Variants in TENM4 observed in about 807,000 individuals in gnomAD.
TENM4 encodes teneurin-4.
Under a neutral mutation model 243.3 loss-of-function variants are expected in TENM4, and 82 were observed. The ratio of observed to expected loss-of-function variants is 0.34; its 90% CI spans 0.28 to 0.40. The LOEUF (loss-of-function observed/expected upper bound fraction) is 0.40, where lower values mean the gene tolerates loss of function less well. Ranked by LOEUF, TENM4 falls within the 10% of genes least tolerant of loss-of-function variation. TENM4 has a pLI of 1.00. For synonymous variants in TENM4, 1,412 were observed against 1,456.3 expected (o/e 0.97, Z 0.69); for missense variants, 3,138 against 3,673.3 (o/e 0.85, Z 3.77).
At chr11:79,033,695 C>T (rs1406089053) in intron 6 of TENM4, among the ~76,000 whole-genome samples, 1 of 152,198 alleles carries the variant, frequency 6.6e-6, no homozygotes, top group African/African-American at 2.4e-5. Flanking sequence ...TGGATGTTCT[C>T]ATATTTAACA....
intron 1 of TENM4, among the ~76,000 whole-genome samples, chr11:79,424,807 G>A (rs1165890908): frequency 4.0e-5 from 6 of 151,802 alleles, no homozygotes; most frequent in African/African-American, 1.2e-4. Flanking sequence ...GGTGGCGGAC[G>A]CCTATTGTCC....
chr11:78,821,133 T>C (rs1036797944), intron 12 of TENM4, among the ~76,000 whole-genome samples: 2 of 152,248 alleles, frequency 1.3e-5, no homozygotes, highest in African/African-American at 4.8e-5. Context: ...TTCAGTCATA[T>C]CCAGAAGTCC....
At chr11:78,751,851 C>G (rs906139462) in intron 19 of TENM4, among the ~76,000 whole-genome samples, 1 of 152,170 alleles carries the variant, frequency 6.6e-6, no homozygotes, top group African/African-American at 2.4e-5. Flanking sequence ...ATTGACAGTG[C>G]AGTTGGAGGT....
At chr11:78,772,444 T>C (rs967270084) in intron 17 of TENM4, among the ~76,000 whole-genome samples, 4 of 152,076 alleles carry the variant, frequency 2.6e-5, no homozygotes, top group Non-Finnish European at 4.4e-5. Flanking sequence ...TTGGGAGAGG[T>C]ATGGATGTGA....
chr11:79,332,775 C>T (rs756260103), intron 1 of TENM4, among the ~76,000 whole-genome samples: 4 of 152,164 alleles, frequency 2.6e-5, no homozygotes, highest in Non-Finnish European at 5.9e-5. Context: ...CAGTCTGCAC[C>T]TCTACGTTGT....
chr11:78,957,272 G>A (rs1857225162), intron 6 of TENM4, among the ~76,000 whole-genome samples: 1 of 152,158 alleles, frequency 6.6e-6, no homozygotes, highest in Admixed American at 6.5e-5. Flanking sequence ...ACTAGGTAAA[G>A]AAGCACATCC....
chr11:78,760,481 G>A (rs1856404173), intron 18 of TENM4, among the ~76,000 whole-genome samples: 1 of 152,204 alleles, frequency 6.6e-6, no homozygotes, highest in Non-Finnish European at 1.5e-5. Flanking sequence ...TCACCAATCT[G>A]TCTCTACAGC....
chr11:78,916,952 C>G (rs1319397190), intron 6 of TENM4, among the ~76,000 whole-genome samples: 1 of 152,160 alleles, frequency 6.6e-6, no homozygotes, highest in African/African-American at 2.4e-5. Context: ...TTTGATGCCT[C>G]CTAGAGGCAG....
In TENM4 at chr11:78,670,436, C is replaced by T. The variant is rs199958891; in HGVS notation, c.5909G>A (p.Arg1970His). 4.1e-4 allele frequency: 655 copies of T among 1,613,920 alleles called. No individual in the cohort carries two copies. Among genetic ancestry groups the T allele is most frequent in the African/African-American group, 5.2e-4 (39 of 75,002 alleles). Residue 1970 changes from arginine to histidine, a missense_variant, in exon 32 of 34, where the codon CGC (arginine) becomes CAC (histidine). Physicochemically the swap from Arg to His is conservative, Grantham distance 29. This residue lies in a region of TENM4 where 2,467 missense variants were observed against 3,059.1 expected (regional missense o/e 0.81). Coordinates refer to ENST00000278550, the MANE Select transcript of TENM4 (RefSeq NM_001098816.3). ...GATGTTTCTGTAGTAGCCCACTGAG[C>T]GGATGGTCTCTAGTGTCTGCCGCGC... ...NVARQTLETI[R>H]SVGYYRNIYQ...
chr11:79,047,733 C>T (rs1174628339), intron 6 of TENM4, among the ~76,000 whole-genome samples: 1 of 152,146 alleles, frequency 6.6e-6, no homozygotes, highest in African/African-American at 2.4e-5. Context: ...TGTTTGAATT[C>T]AGCCTTATTA....
intron 4 of TENM4, among the ~76,000 whole-genome samples, chr11:79,111,522 G>A (rs1246875116): frequency 1.3e-5 from 2 of 152,114 alleles, no homozygotes; most frequent in Non-Finnish European, 2.9e-5. Context: ...TCCAGTCTGG[G>A]CAACAGAGCT....
At position 78,726,206 on chromosome 11, in the gene TENM4, T is replaced by C; in HGVS notation, c.3423A>G (p.Glu1141=). 1 of 1,613,906 alleles carries C rather than the reference T, an allele frequency of 6.2e-7. No homozygotes were observed. The highest frequency in any genetic ancestry group is 8.5e-7 in the Non-Finnish European group (1 of 1,179,836). Residue 1141 remains glutamate (E), a synonymous_variant, in exon 23 of 34, where the codon GAA becomes GAG. Coordinates refer to ENST00000278550, the MANE Select transcript of TENM4 (RefSeq NM_001098816.3). Reference sequence around the variant, plus strand: ...GGATTAGATCTGGGCAGGATTCATATTCATAACCCACGGAAACTGTAGGTG... The same window carrying C: ...GGATTAGATCTGGGCAGGATTCATACTCATAACCCACGGAAACTGTAGGTG... ...LSEAFVSVGY[E]YESCPDLILW... is the part of the protein sequence containing the mutation.
intron 14 of TENM4, among the ~76,000 whole-genome samples, chr11:78,808,472 T>C (rs144608139): frequency 1.3e-5 from 2 of 152,224 alleles, no homozygotes; most frequent in African/African-American, 2.4e-5. Flanking sequence ...ACTTTTATCA[T>C]GTTCATTTGA....
At position 78,863,097 on chromosome 11, in the gene TENM4, G is replaced by C. The variant is rs1169998865; in HGVS notation, c.1120C>G (p.Pro374Ala). The change falls in exon 10 of 34, where the codon CCG becomes GCG. Residue 374 changes from proline to alanine, a missense_variant. Pro to Ala is a conservative substitution (Grantham distance 27, BLOSUM62 -1). This residue lies in a region of TENM4 where 671 missense variants were observed against 614.1 expected (regional missense o/e 1.09). Transcript: ENST00000278550. ...HLFGLNWHLQ[P>A]MEGQMYEITE... ...ATCTCATACATCTGCCCCTCCATCGGCTGCAGGTGCCAGTTTAGGCCAAAC... is the reference window on the plus strand; with the variant it reads ...ATCTCATACATCTGCCCCTCCATCGCCTGCAGGTGCCAGTTTAGGCCAAAC... The C allele has an allele frequency of 1.3e-6, 2 of 1,530,602 alleles. No homozygotes were observed. Among genetic ancestry groups the C allele is most frequent in the African/African-American group, 2.8e-5 (2 of 72,712 alleles). 94.8% of individuals were successfully genotyped at this position (1,530,602 alleles called of 1,614,324 possible).
chr11:78,762,956 G>T (rs1200345653), intron 18 of TENM4, among the ~76,000 whole-genome samples: 2 of 152,112 alleles, frequency 1.3e-5, no homozygotes, highest in Non-Finnish European at 2.9e-5. Context: ...TACACAGTTT[G>T]GGGGATTCTC....
At chr11:79,110,099 C>G (rs1173032217) in intron 4 of TENM4, among the ~76,000 whole-genome samples, 1 of 152,226 alleles carries the variant, frequency 6.6e-6, no homozygotes, top group Admixed American at 6.5e-5. Flanking sequence ...CTTCCCTCAC[C>G]CTTTTCGTAG....
intron 6 of TENM4, among the ~76,000 whole-genome samples, chr11:78,921,422 A>T (rs1404179033): frequency 6.6e-6 from 1 of 152,234 alleles, no homozygotes; most frequent in African/African-American, 2.4e-5. Flanking sequence ...CTAGAACTCA[A>T]ATGTGGCATT....
chr11:79,145,563 C>T (rs976820708), intron 4 of TENM4, among the ~76,000 whole-genome samples: 8 of 152,042 alleles, frequency 5.3e-5, no homozygotes, highest in African/African-American at 1.7e-4. Flanking sequence ...TGCAATATTC[C>T]ACTATGTGAA....
At chr11:79,353,923 T>C (rs1402856937) in intron 1 of TENM4, among the ~76,000 whole-genome samples, 1 of 152,164 alleles carries the variant, frequency 6.6e-6, no homozygotes, top group Non-Finnish European at 1.5e-5. Flanking sequence ...CAGAGCTGAG[T>C]CGTTGTGACA....
Sources: allele counts gnomAD v4.1 joint callset (sites outside exome capture counted in the v4.1 genomes callset), GRCh38; gene constraint gnomAD v4.1.1; regional missense constraint gnomAD v4.1.1; transcripts MANE v1.5; gene names NCBI Gene and HGNC (gene_info 2026-07-23, HGNC 2026-07-21).